The following C10orf90 variants were observed in gnomAD, a reference collection of about 807,000 sequenced individuals.
C10orf90 encodes the protein (E2-independent) E3 ubiquitin-conjugating enzyme FATS.
Under a neutral mutation model 62.5 loss-of-function variants are expected in C10orf90, and 56 were observed. The observed-to-expected ratio is 0.90, with a 90% CI of 0.72 to 1.12. C10orf90 has a LOEUF of 1.12. Ranked by LOEUF, C10orf90 falls within the 50% of genes most tolerant of loss-of-function variation. The pLI, the probability that C10orf90 is intolerant of heterozygous loss-of-function variation, is 0.00. For missense variants in C10orf90, 970 were observed against 880.4 expected (o/e 1.10, Z -1.29); for synonymous variants, 386 against 340.4 (o/e 1.13, Z -1.47).
At chr10:126,536,650 G>A (rs1249300631) in intron 2 of C10orf90, among the ~76,000 whole-genome samples, 1 of 152,200 alleles carries the variant, frequency 6.6e-6, no homozygotes, top group African/African-American at 2.4e-5. Context: ...TCCACACCAA[G>A]ACTGTCTTCC....
chr10:126,471,806 CATT>C (rs1860599496), intron 4 of C10orf90, among the ~76,000 whole-genome samples: 1 of 152,088 alleles, frequency 6.6e-6, no homozygotes, highest in South Asian at 2.1e-4. Flanking sequence ...TCTAGTTATT[CATT>C]ATTATTCTGT....
At chr10:126,551,600 T>C (rs560955112) in intron 2 of C10orf90, among the ~76,000 whole-genome samples, 1 of 152,284 alleles carries the variant, frequency 6.6e-6, no homozygotes, top group Admixed American at 6.5e-5. Flanking sequence ...AAATGCAACC[T>C]ACTGAATCTC....
chr10:126,618,253 T>C (rs1845580952), intron 2 of C10orf90, among the ~76,000 whole-genome samples: 1 of 152,228 alleles, frequency 6.6e-6, no homozygotes, highest in Non-Finnish European at 1.5e-5. Context: ...ATGATGCATC[T>C]CGATTTCAGA....
intron 1 of C10orf90, among the ~76,000 whole-genome samples, chr10:126,668,262 C>A (rs900890730): frequency 3.3e-5 from 5 of 152,154 alleles, no homozygotes; most frequent in African/African-American, 1.2e-4. Context: ...AATCTAGCAC[C>A]TTTGTGCATT....
chr10:126,498,638 T>C (rs1474301825), intron 4 of C10orf90, among the ~76,000 whole-genome samples: 1 of 152,178 alleles, frequency 6.6e-6, no homozygotes, highest in Non-Finnish European at 1.5e-5. Context: ...AAGAGCTTCT[T>C]CCCCCAGCTG....
At chr10:126,553,906 T>C (rs1167812677) in intron 2 of C10orf90, among the ~76,000 whole-genome samples, 2 of 152,200 alleles carry the variant, frequency 1.3e-5, no homozygotes, top group Admixed American at 6.5e-5. Flanking sequence ...CATACATTGC[T>C]AGTGTGAAGC....
At chr10:126,580,793 G>A (rs1237680325) in intron 2 of C10orf90, among the ~76,000 whole-genome samples, 3 of 151,980 alleles carry the variant, frequency 2.0e-5, no homozygotes, top group African/African-American at 7.2e-5. Flanking sequence ...TCTATGTGTG[G>A]TGTGTGTGTG....
At chr10:126,619,187 T>C (rs1028998004) in intron 2 of C10orf90, among the ~76,000 whole-genome samples, 6 of 152,230 alleles carry the variant, frequency 3.9e-5, no homozygotes, top group African/African-American at 1.4e-4. Context: ...AATACATTTA[T>C]CCATTTCACT....
intron 2 of C10orf90, among the ~76,000 whole-genome samples, chr10:126,575,599 A>G (rs1844593311): frequency 6.6e-6 from 1 of 152,044 alleles, no homozygotes; most frequent in Non-Finnish European, 1.5e-5. Context: ...ATAGAACCAC[A>G]AAGGATTCTG....
intron 6 of C10orf90, among the ~76,000 whole-genome samples, chr10:126,459,935 G>T (rs1014759450): frequency 6.6e-6 from 1 of 152,194 alleles, no homozygotes; most frequent in Non-Finnish European, 1.5e-5. Flanking sequence ...TCATCACCTC[G>T]TGGAGTCCCA....
intron 4 of C10orf90, among the ~76,000 whole-genome samples, chr10:126,487,701 A>G (rs1357980165): frequency 6.6e-6 from 1 of 152,212 alleles, no homozygotes; most frequent in South Asian, 2.1e-4. Context: ...AGGAACATGT[A>G]AAATATGTAC....
At chr10:126,643,709 T>G (rs1341576245) in intron 2 of C10orf90, among the ~76,000 whole-genome samples, 1 of 152,202 alleles carries the variant, frequency 6.6e-6, no homozygotes, top group Non-Finnish European at 1.5e-5. Context: ...CTTACAACAG[T>G]TTCCCTTTGT....
chr10:126,609,285 C>A (rs1225993763), intron 2 of C10orf90, among the ~76,000 whole-genome samples: 1 of 152,178 alleles, frequency 6.6e-6, no homozygotes, highest in Non-Finnish European at 1.5e-5. Flanking sequence ...CATCTGTAAT[C>A]TCAGCTACTC....
At chr10:126,515,562 C>T (rs1219829926) in intron 2 of C10orf90, among the ~76,000 whole-genome samples, 1 of 152,182 alleles carries the variant, frequency 6.6e-6, no homozygotes, top group Non-Finnish European at 1.5e-5. Context: ...ACCATACCGC[C>T]TAGGTGCATA....
chr10:126,498,220 G>T (rs1591016086), intron 4 of C10orf90, among the ~76,000 whole-genome samples: 1 of 152,128 alleles, frequency 6.6e-6, no homozygotes. Context: ...ACATGGGCAG[G>T]CCCTTGGAGT....
chr10:126,446,164 T>C (rs966893622), intron 7 of C10orf90, among the ~76,000 whole-genome samples: 2 of 151,770 alleles, frequency 1.3e-5, no homozygotes, highest in African/African-American at 4.8e-5. Flanking sequence ...AAAAATAAAA[T>C]CTTTTTTTTT....
At chr10:126,521,514 T>C (rs1261374548) in intron 2 of C10orf90, 7 of 1,358,572 alleles carry the variant, frequency 5.2e-6, no homozygotes, top group Non-Finnish European at 6.7e-6. Context: ...CACCGGAATG[T>C]TTACAGGGCA....
At chr10:126,445,099 T>C (rs555990481) in intron 7 of C10orf90, among the ~76,000 whole-genome samples, 1 of 152,246 alleles carries the variant, frequency 6.6e-6, no homozygotes, top group Admixed American at 6.5e-5. Flanking sequence ...CTTCTAGACA[T>C]TGGCTTAGGC....
intron 6 of C10orf90, among the ~76,000 whole-genome samples, chr10:126,459,710 G>T (rs1404818332): frequency 1.3e-5 from 2 of 152,214 alleles, no homozygotes; most frequent in African/African-American, 4.8e-5. Flanking sequence ...CACCACAACT[G>T]CGGCTGAAGG....
Sources: allele counts gnomAD v4.1 joint callset (sites outside exome capture counted in the v4.1 genomes callset), GRCh38; gene constraint gnomAD v4.1.1; transcripts MANE v1.5; gene names NCBI Gene and HGNC (gene_info 2026-07-23, HGNC 2026-07-21).